PPP2R2A: variants seen among roughly 807,000 people sequenced by gnomAD.
The protein encoded by PPP2R2A is protein phosphatase 2 regulatory subunit Balpha.
In PPP2R2A, 9 loss-of-function variants were observed where a neutral mutation model predicts 53.2. The ratio of observed to expected loss-of-function variants is 0.17; its 90% CI spans 0.10 to 0.30. The LOEUF is 0.30. Ranked by LOEUF, PPP2R2A falls within the 10% of genes least tolerant of loss-of-function variation. The pLI is 1.00. For synonymous variants in PPP2R2A, 169 were observed against 174.2 expected (o/e 0.97, Z 0.23); for missense variants, 235 against 534.6 (o/e 0.44, Z 5.53).
intron 2 of PPP2R2A, among the ~76,000 whole-genome samples, chr8:26,330,083 A>G (rs576143703): frequency 1.3e-5 from 2 of 152,266 alleles, no homozygotes; most frequent in East Asian, 3.9e-4. Context: ...ACTTGATGTT[A>G]TCCCACAGGT....
intron 3 of PPP2R2A, among the ~76,000 whole-genome samples, chr8:26,341,274 CCTGT>C (rs752168886): frequency 2.6e-5 from 4 of 151,954 alleles, no homozygotes; most frequent in African/African-American, 7.3e-5. Flanking sequence ...ATTTTAAAGC[CCTGT>C]CTTAGAGTTT....
At chr8:26,365,122 A>G (rs1356495735) in intron 8 of PPP2R2A, 1 of 152,226 alleles carries the variant, frequency 6.6e-6, no homozygotes, top group Non-Finnish European at 1.5e-5. Flanking sequence ...AATGTTGCTA[A>G]ATTATGATAA....
chr8:26,354,142 C>G lies in PPP2R2A; in HGVS notation c.181-326C>G, dbSNP rs566061998. 6.6e-6 allele frequency among the ~76,000 whole-genome samples: 1 copy of G among 151,968 alleles called. No individual in the cohort carries two copies. Among genetic ancestry groups the G allele is most frequent in the African/African-American group, 2.4e-5 (1 of 41,366 alleles). On this transcript the variant is annotated intron_variant, in intron 3 of 9. Transcript: ENST00000380737. This position sits in a 1 kb window ranked among gnomAD's most constrained non-coding sequence, Gnocchi z 4.6. ...TAGATGAACTTCCTTATTATGGGTG[C>G]TCAGTTTTTTTTCATCAGTTTTTTT...
chr8:26,343,069 G>A (rs2117340677), intron 3 of PPP2R2A, among the ~76,000 whole-genome samples: 1 of 152,098 alleles, frequency 6.6e-6, no homozygotes, highest in East Asian at 2.0e-4. Flanking sequence ...TCCCAGCTAT[G>A]TGACTGAAAT....
chr8:26,329,460 G>GCCC (rs1297748067), intron 2 of PPP2R2A, among the ~76,000 whole-genome samples: 1 of 151,934 alleles, frequency 6.6e-6, no homozygotes, highest in Non-Finnish European at 1.5e-5. Context: ...AAAAATTTAT[G>GCCC]ACTGTTACAT....
rs1803796129 is a variant in PPP2R2A, at chr8:26,338,818, C to T, written c.83-72C>T. On this transcript the variant is annotated intron_variant, in intron 2 of 9. Coordinates refer to ENST00000380737, the MANE Select transcript of PPP2R2A (RefSeq NM_002717.4). The surrounding 1 kb of genome is among the most constrained non-coding windows in gnomAD (Gnocchi z 4.5). ...TAGACTTGGAATGTTTGGGAAAACACGCTAAGTTCTGAAACTAGTGAGTCG... is the reference window on the plus strand; with the variant it reads ...TAGACTTGGAATGTTTGGGAAAACATGCTAAGTTCTGAAACTAGTGAGTCG... 7.7e-6 allele frequency: 8 copies of T among 1,042,194 alleles called. No homozygotes were observed. Among genetic ancestry groups the T allele is most frequent in the East Asian group, 2.5e-5 (1 of 39,866 alleles). 64.6% of individuals were successfully genotyped at this position (1,042,194 alleles called of 1,614,324 possible).
chr8:26,293,041 C>T (rs1410732158), intron 1 of PPP2R2A: 10 of 442,026 alleles, frequency 2.3e-5, no homozygotes, highest in South Asian at 6.2e-5. Flanking sequence ...TTGCCAGGTC[C>T]TTTGGAGTCA....
At chr8:26,335,706 G>A (rs1803622463) in intron 2 of PPP2R2A, among the ~76,000 whole-genome samples, 1 of 152,214 alleles carries the variant, frequency 6.6e-6, no homozygotes, top group African/African-American at 2.4e-5. Flanking sequence ...TTTACAGTGA[G>A]TTGACTTTTG....
At chr8:26,336,156 G>A (rs181701595) in intron 2 of PPP2R2A, among the ~76,000 whole-genome samples, 16 of 152,274 alleles carry the variant, frequency 1.1e-4, no homozygotes, top group Admixed American at 1.0e-3. Context: ...GTGTTTTGTG[G>A]TTCATGCTTG....
At chr8:26,344,565 A>C (rs1412921938) in intron 3 of PPP2R2A, among the ~76,000 whole-genome samples, 1 of 152,162 alleles carries the variant, frequency 6.6e-6, no homozygotes, top group East Asian at 1.9e-4. Flanking sequence ...AAATGGACTA[A>C]GAGTTGAACA....
chr8:26,329,386 TC>T (rs1477999853), intron 2 of PPP2R2A, among the ~76,000 whole-genome samples: 2 of 152,240 alleles, frequency 1.3e-5, no homozygotes, highest in Non-Finnish European at 2.9e-5. Context: ...TACCTTTTTT[TC>T]AACTCCTTAT....
At chr8:26,334,823 A>G (rs1803572627) in intron 2 of PPP2R2A, among the ~76,000 whole-genome samples, 1 of 152,238 alleles carries the variant, frequency 6.6e-6, no homozygotes, top group African/African-American at 2.4e-5. Context: ...CCAGTCTGGT[A>G]GCCGCTAGCT....
chr8:26,296,127 C>T (rs1022608260), intron 2 of PPP2R2A, among the ~76,000 whole-genome samples: 4 of 152,298 alleles, frequency 2.6e-5, no homozygotes, highest in Non-Finnish European at 4.4e-5. Context: ...TTGCACTCTC[C>T]CTCATCCAGA....
At position 26,313,745 on chromosome 8, in the gene PPP2R2A, A is replaced by G. The variant is rs115306955; in HGVS notation, c.82+20005A>G. On this transcript the variant is annotated intron_variant, in intron 2 of 9. Coordinates refer to ENST00000380737, the MANE Select transcript of PPP2R2A (RefSeq NM_002717.4). ...GAGTGATTGCAAGGAAAGGGTCACA[A>G]GCCAAGAAATGCAGGTGGCCTCCAG... Among the ~76,000 whole-genome samples the G allele has an allele frequency of 1.3e-3, 191 of 152,316 alleles. 1 individual carries two copies. Among genetic ancestry groups the G allele is most frequent in the African/African-American group, 4.5e-3 (188 of 41,574 alleles).
chr8:26,364,805 GT>G (rs1317179666), intron 8 of PPP2R2A, among the ~76,000 whole-genome samples: 1 of 151,994 alleles, frequency 6.6e-6, no homozygotes, highest in Non-Finnish European at 1.5e-5. Flanking sequence ...CAGATTTTTT[GT>G]TTTGTTTTGT....
chr8:26,338,493 G>GC lies in PPP2R2A; in HGVS notation c.83-395dup, dbSNP rs1398311381. 1.3e-5 allele frequency among the ~76,000 whole-genome samples: 2 copies of GC among 152,132 alleles called. No individual in the cohort carries two copies. Among genetic ancestry groups the GC allele is most frequent in the Admixed American group, 6.5e-5 (1 of 15,278 alleles). The stretch of plus-strand genomic sequence containing the variant: ...TTCCCTCTCCTTATTAGTAATATGT[G>GC]CCTTTATTATAGATGATTATTTGCA... On this transcript the variant is annotated intron_variant, in intron 2 of 9. Coordinates refer to ENST00000380737, the MANE Select transcript of PPP2R2A (RefSeq NM_002717.4). This position sits in a 1 kb window ranked among gnomAD's most constrained non-coding sequence, Gnocchi z 4.5.
At chr8:26,367,685 T>G (rs1805452943) in intron 9 of PPP2R2A, among the ~76,000 whole-genome samples, 1 of 152,244 alleles carries the variant, frequency 6.6e-6, no homozygotes, top group African/African-American at 2.4e-5. Context: ...CCAGATGTGA[T>G]GCCCATAACC....
intron 2 of PPP2R2A, among the ~76,000 whole-genome samples, chr8:26,296,925 A>T (rs1236092803): frequency 6.6e-6 from 1 of 152,210 alleles, no homozygotes; most frequent in Non-Finnish European, 1.5e-5. Flanking sequence ...AATGCAAAGA[A>T]ATCAGGAGAC....
chr8:26,293,844 TTTG>T, intron 2 of PPP2R2A, 104 bp downstream of exon 2: 1 of 1,058,234 alleles, frequency 9.4e-7, no homozygotes, highest in Non-Finnish European at 1.4e-6. Flanking sequence ...TCAAGATGAT[TTTG>T]TTGTCCAAGA....
Sources: gnomAD v4.1 joint callset for allele counts (sites outside exome capture counted in the v4.1 genomes callset) on GRCh38, gnomAD v4.1.1 for gene constraint, Gnocchi (gnomAD v3.1) non-coding constraint, MANE v1.5 for transcripts, NCBI Gene and HGNC (gene_info 2026-07-23, HGNC 2026-07-21) for gene names.